The following PARD6B variants were observed in gnomAD, a reference collection of about 807,000 sequenced individuals.
The protein encoded by PARD6B is partitioning defective 6 homolog beta.
PARD6B carries 4 observed loss-of-function variants against 10.5 expected under a neutral mutation model. That is an observed-to-expected ratio of 0.38 (90% CI 0.19 to 0.87). The LOEUF is 0.87. Among genes scored for constraint, PARD6B ranks in the 40% least tolerant of loss-of-function variants. The probability of loss-of-function intolerance (pLI) is 0.41; values close to 1 mark genes in which losing one functional copy is unlikely to be tolerated. For synonymous variants in PARD6B, 169 were observed against 170.4 expected (o/e 0.99, Z 0.07); for missense variants, 396 against 470.6 (o/e 0.84, Z 1.47).
chr20:50,733,281 G>A (rs1335942903), intron 1 of PARD6B, among the ~76,000 whole-genome samples: 4 of 152,078 alleles, frequency 2.6e-5, no homozygotes, highest in African/African-American at 9.7e-5. Flanking sequence ...ATTTTTAGCC[G>A]GCCGTGGTGG....
rs1055883845 is a variant in PARD6B at position 50,731,805 on chromosome 20, C to A, written c.19C>A (p.His7Asn). 6.8e-7 allele frequency: 1 copy of A among 1,463,288 alleles called. No individual in the cohort carries two copies. Among genetic ancestry groups the A allele is most frequent in the South Asian group, 1.3e-5 (1 of 76,326 alleles). The allele number at this position is 1,463,288 out of a possible 1,614,324, so 90.6% of individuals were successfully genotyped here. MNRSHR[H>N]GAGSGCLGTM... Reference sequence around the variant, plus strand: ...GTTCAGCATGAACCGCAGCCACCGGCACGGGGCGGGCAGCGGCTGCCTGGG... The same window carrying A: ...GTTCAGCATGAACCGCAGCCACCGGAACGGGGCGGGCAGCGGCTGCCTGGG... Residue 7 changes from histidine (H) to asparagine (N), a missense_variant, in exon 1 of 3, where the codon CAC becomes AAC. By Grantham distance (68) the His-to-Asn change is moderately conservative. Around this residue, in one of 2 missense-constraint regions of PARD6B, gnomAD observed 208 missense variants for 300.9 expected, o/e 0.69. Transcript: ENST00000371610.
chr20:50,734,372 G>C (rs145152583), intron 1 of PARD6B, among the ~76,000 whole-genome samples: 1 of 151,696 alleles, frequency 6.6e-6, no homozygotes, highest in African/African-American at 2.4e-5. Context: ...TTTGAGACAG[G>C]ATCTTGCTCT....
chr20:50,743,516 T>A (rs1012477941), intron 2 of PARD6B, among the ~76,000 whole-genome samples: 1 of 152,200 alleles, frequency 6.6e-6, no homozygotes, highest in African/African-American at 2.4e-5. Context: ...TAAGGTTACA[T>A]TTTTATGAAT....
intron 2 of PARD6B, among the ~76,000 whole-genome samples, chr20:50,739,847 C>G (rs114939909): frequency 0.024 from 648 of 26,646 alleles, 3 homozygotes; most frequent in African/African-American, 0.073. Context: ...AGTGAGGAGA[C>G]TGGCCTAGAA....
chr20:50,734,977 C>T (rs1303614970), intron 1 of PARD6B, among the ~76,000 whole-genome samples: 2 of 152,110 alleles, frequency 1.3e-5, no homozygotes, highest in African/African-American at 2.4e-5. Flanking sequence ...CGGTGAAACC[C>T]TGTATCTACT....
At chr20:50,739,540 C>G (rs1470700108) in intron 2 of PARD6B, among the ~76,000 whole-genome samples, 1 of 152,146 alleles carries the variant, frequency 6.6e-6, no homozygotes, top group Admixed American at 6.5e-5. Flanking sequence ...AGACCACTCC[C>G]AGGGCTCTGG....
Position 50,731,599 on chromosome 20 carries a change from C to T in PARD6B, c.-188C>T. The T allele has an allele frequency of 2.2e-6, 1 of 460,442 alleles. No individual in the cohort carries two copies. The highest frequency in any genetic ancestry group is 3.8e-6 in the Non-Finnish European group (1 of 263,662). 28.5% of individuals were successfully genotyped at this position (460,442 alleles called of 1,614,324 possible). A position where few individuals can be genotyped will look rare whatever the true frequency, so the allele number is the denominator to read the frequency against. Reference sequence around the variant, plus strand: ...GCCACCAGTCCGACCCTCGGTCCCGCCGTGTGAGCAGCTGGTGGAGTGGAG... The same window carrying T: ...GCCACCAGTCCGACCCTCGGTCCCGTCGTGTGAGCAGCTGGTGGAGTGGAG... On this transcript the variant is annotated 5_prime_UTR_variant, in exon 1 of 3. Transcript: ENST00000371610.
Position 50,751,657 on chromosome 20 carries a change from G to A in PARD6B, c.*1169G>A, listed in dbSNP as rs1356253502. 2.0e-6 allele frequency: 2 copies of A among 983,252 alleles called. No individual in the cohort carries two copies. The highest frequency in any genetic ancestry group is 3.5e-5 in the African/African-American group (2 of 56,592). The allele number at this position is 983,252 out of a possible 1,614,324, so 60.9% of individuals were successfully genotyped here. The stretch of plus-strand genomic sequence containing the variant: ...CACCGCGCCCAGTTGTGCATTTCTG[G>A]TTTCTAAGAATCAAACCACTTGGCT... On this transcript the variant is annotated 3_prime_UTR_variant, in exon 3 of 3. Coordinates refer to ENST00000371610, the MANE Select transcript of PARD6B (RefSeq NM_032521.3).
chr20:50,738,041 C>T lies in PARD6B; in HGVS notation c.251C>T (p.Thr84Met), dbSNP rs976992667. 2.5e-5 allele frequency: 41 copies of T among 1,610,670 alleles called. No homozygotes were observed. The highest frequency in any genetic ancestry group is 3.3e-5 in the Non-Finnish European group (39 of 1,178,698). ...NDDNYHKAVSTANPLLRIFIQ... is the reference protein window; with the variant it reads ...NDDNYHKAVSMANPLLRIFIQ... Reference sequence around the variant, plus strand: ...GATAATTATCACAAAGCTGTTTCAACGGCCAATCCACTGCTTAGGATATTT... The same window carrying T: ...GATAATTATCACAAAGCTGTTTCAATGGCCAATCCACTGCTTAGGATATTT... The change falls in exon 2 of 3, where the codon ACG (threonine) becomes ATG (methionine). Residue 84 changes from threonine (T) to methionine (M), a missense_variant. Coordinates refer to ENST00000371610, the MANE Select transcript of PARD6B (RefSeq NM_032521.3).
intron 2 of PARD6B, among the ~76,000 whole-genome samples, chr20:50,743,851 T>G (rs1312646361): frequency 1.4e-5 from 2 of 144,606 alleles, no homozygotes; most frequent in African/African-American, 5.2e-5. Flanking sequence ...ATCGCGCCAC[T>G]GCACTCCAGC....
rs777022929 is a variant in PARD6B at position 50,752,783 on chromosome 20, T to A, written c.*2295T>A. The A allele has an allele frequency of 3.1e-6, 3 of 976,522 alleles. No individual in the cohort carries two copies. Among genetic ancestry groups the A allele is most frequent in the Non-Finnish European group, 3.7e-6 (3 of 821,490 alleles). The allele number at this position is 976,522 out of a possible 1,614,324, so 60.5% of individuals were successfully genotyped here. A position where few individuals can be genotyped will look rare whatever the true frequency, so the allele number is the denominator to read the frequency against. ...CTTGATTACGTGAAGATCACTTGAC[T>A]CAGAATACTTCAATGTATTTTGTTC... On this transcript the variant is annotated 3_prime_UTR_variant, in exon 3 of 3. Coordinates refer to ENST00000371610, the MANE Select transcript of PARD6B (RefSeq NM_032521.3).
Position 50,751,007 on chromosome 20 carries a change from T to C in PARD6B, c.*519T>C. On this transcript the variant is annotated 3_prime_UTR_variant, in exon 3 of 3. Transcript: ENST00000371610. ...TTTTTAGTGACTGGGTCTCACTCTG[T>C]TGCCCACACTGGAATGCAGTGGCAT... The C allele has an allele frequency of 1.5e-6, 1 of 668,112 alleles. No homozygotes were observed. Among genetic ancestry groups the C allele is most frequent in the Non-Finnish European group, 1.8e-6 (1 of 548,880 alleles). The allele number at this position is 668,112 out of a possible 1,614,324, so 41.4% of individuals were successfully genotyped here. A position where few individuals can be genotyped will look rare whatever the true frequency, so the allele number is the denominator to read the frequency against.
intron 1 of PARD6B, 109 bp from the exon 2 acceptor site, chr20:50,737,748 A>C: frequency 1.4e-6 from 1 of 721,722 alleles, no homozygotes; most frequent in Non-Finnish European, 2.1e-6. Flanking sequence ...ATCTTTCCTT[A>C]ATTAAAAATA....
intron 2 of PARD6B, among the ~76,000 whole-genome samples, chr20:50,748,274 G>T (rs1480657322): frequency 6.6e-6 from 1 of 152,240 alleles, no homozygotes; most frequent in African/African-American, 2.4e-5. Context: ...AACCTGGGAG[G>T]CGGGGGTGGC....
At chr20:50,745,429 T>C (rs1365637005) in intron 2 of PARD6B, among the ~76,000 whole-genome samples, 1 of 148,094 alleles carries the variant, frequency 6.8e-6, no homozygotes, top group Non-Finnish European at 1.5e-5. Context: ...AAAAAAAAAG[T>C]TGCCAGATCT....
chr20:50,750,672 G>A lies in PARD6B; in HGVS notation c.*184G>A. On this transcript the variant is annotated 3_prime_UTR_variant, in exon 3 of 3. Transcript: ENST00000371610. ...TTAATATAAACTTTGGTGGATCAGA[G>A]GTGAATTTAAGTCCAAAACAAAGGG... 1 of 1,375,820 alleles carries A rather than the reference G, an allele frequency of 7.3e-7. No individual in the cohort carries two copies. The highest frequency in any genetic ancestry group is 9.4e-7 in the Non-Finnish European group (1 of 1,068,844). 85.2% of individuals were successfully genotyped at this position (1,375,820 alleles called of 1,614,324 possible).
At chr20:50,745,861 C>T (rs1274133513) in intron 2 of PARD6B, among the ~76,000 whole-genome samples, 1 of 152,148 alleles carries the variant, frequency 6.6e-6, no homozygotes, top group African/African-American at 2.4e-5. Context: ...ATTATATAGC[C>T]TGTAATACCT....
chr20:50,748,068 G>A (rs549572777), intron 2 of PARD6B, among the ~76,000 whole-genome samples: 59 of 152,346 alleles, frequency 3.9e-4, no homozygotes, highest in African/African-American at 1.3e-3. Flanking sequence ...GCTGGGCGAG[G>A]TGGCTCACAC....
Position 50,753,199 on chromosome 20 carries a change from A to G in PARD6B, c.*2711A>G, listed in dbSNP as rs746018498. 78 of 985,334 alleles carry G rather than the reference A, an allele frequency of 7.9e-5. No individual in the cohort carries two copies. Among genetic ancestry groups the G allele is most frequent in the Non-Finnish European group, 8.9e-5 (74 of 829,576 alleles). The allele number at this position is 985,334 out of a possible 1,614,324, so 61.0% of individuals were successfully genotyped here. A position where few individuals can be genotyped will look rare whatever the true frequency, so the allele number is the denominator to read the frequency against. ...CTTGTACGCATTCATGGAAATGGAA[A>G]TCAAAGCTGCTATTGCTTTTTATTT... On this transcript the variant is annotated 3_prime_UTR_variant, in exon 3 of 3. Transcript: ENST00000371610.
Sources: gnomAD v4.1 joint callset for allele counts (sites outside exome capture counted in the v4.1 genomes callset) on GRCh38, gnomAD v4.1.1 for gene constraint, gnomAD v4.1.1 regional missense constraint, MANE v1.5 for transcripts, NCBI Gene and HGNC (gene_info 2026-07-23, HGNC 2026-07-21) for gene names.